Variants in ALPK2 observed in about 807,000 individuals in gnomAD.
ALPK2 encodes the protein alpha kinase 2, also known as alpha-protein kinase 2.
ALPK2 carries 127 observed loss-of-function variants against 163.1 expected under a neutral mutation model. The ratio of observed to expected loss-of-function variants is 0.78; its 90% CI spans 0.67 to 0.90. ALPK2 has a LOEUF of 0.90. Among genes scored for constraint, ALPK2 ranks in the 40% least tolerant of loss-of-function variants. The pLI is 0.00. For missense variants in ALPK2, 2,360 were observed against 2,589.6 expected (o/e 0.91, Z 1.92); for synonymous variants, 953 against 959.1 (o/e 0.99, Z 0.12).
intron 4 of ALPK2, among the ~76,000 whole-genome samples, chr18:58,568,069 A>G (rs565737162): frequency 6.6e-6 from 1 of 152,152 alleles, no homozygotes; most frequent in African/African-American, 2.4e-5. Flanking sequence ...AGTCCAAGTG[A>G]GTTTCCCGGG....
chr18:58,603,729 C>T (rs2052083789), intron 3 of ALPK2, among the ~76,000 whole-genome samples: 1 of 104,978 alleles, frequency 9.5e-6, no homozygotes, highest in Non-Finnish European at 1.8e-5. Context: ...TTTGTATACA[C>T]ATCGTTGCAA....
intron 10 of ALPK2, among the ~76,000 whole-genome samples, chr18:58,513,163 GGTGT>G (rs1054952222): frequency 2.0e-5 from 3 of 150,034 alleles, no homozygotes; most frequent in African/African-American, 7.4e-5. Context: ...GTGGTGTGGG[GGTGT>G]GTGTGGGGTG....
chr18:58,527,662 T>C (rs1474310487), intron 6 of ALPK2, among the ~76,000 whole-genome samples: 3 of 152,222 alleles, frequency 2.0e-5, no homozygotes, highest in African/African-American at 7.2e-5. Flanking sequence ...AAATGAATAA[T>C]TAGTACCTTT....
At chr18:58,622,689 T>C (rs1307858815) in intron 1 of ALPK2, among the ~76,000 whole-genome samples, 1 of 152,224 alleles carries the variant, frequency 6.6e-6, no homozygotes, top group East Asian at 1.9e-4. Context: ...ATGGGCCGAC[T>C]GCTCTGTCCA....
At chr18:58,487,918 A>G (rs1427865657) in intron 12 of ALPK2, among the ~76,000 whole-genome samples, 1 of 152,164 alleles carries the variant, frequency 6.6e-6, no homozygotes, top group African/African-American at 2.4e-5. Flanking sequence ...TTTCTCAACT[A>G]TATTCCCCCT....
intron 6 of ALPK2, among the ~76,000 whole-genome samples, chr18:58,527,528 A>C (rs1364613510): frequency 1.3e-5 from 2 of 152,234 alleles, no homozygotes; most frequent in East Asian, 1.9e-4. Context: ...AATACACATC[A>C]AATGGAAAAG....
intron 1 of ALPK2, among the ~76,000 whole-genome samples, chr18:58,612,722 G>A (rs76279982): frequency 0.027 from 4,091 of 152,332 alleles, 71 homozygotes; most frequent in East Asian, 0.074. Context: ...TCTGAATCCA[G>A]AGAACCCTTT....
Position 58,517,056 on chromosome 18 carries a change from C to G in ALPK2, c.5792G>C (p.Arg1931Pro), listed in dbSNP as rs1221185165. ...EELHFGEGVH[R>P]KAFRSTVMHG... ...CATCACTGTGCTGCGGAAGGCTTTG[C>G]GGTGAACCCCTTCTCCAAAGTGCAG... The change falls in exon 9 of 13, where the codon CGC becomes CCC. Residue 1931 changes from arginine to proline, a missense_variant. Coordinates refer to ENST00000361673, the MANE Select transcript of ALPK2 (RefSeq NM_052947.4). The G allele has an allele frequency of 6.2e-7, 1 of 1,614,242 alleles. No individual in the cohort carries two copies. The highest frequency in any genetic ancestry group is 1.7e-5 in the Admixed American group (1 of 60,032).
intron 1 of ALPK2, among the ~76,000 whole-genome samples, chr18:58,617,479 G>T (rs1291213947): frequency 6.6e-6 from 1 of 152,120 alleles, no homozygotes; most frequent in South Asian, 2.1e-4. Flanking sequence ...GAACTACTGT[G>T]CCCAGCCAAC....
chr18:58,605,305 G>A (rs952282824), intron 3 of ALPK2, among the ~76,000 whole-genome samples: 1 of 152,154 alleles, frequency 6.6e-6, no homozygotes, highest in Non-Finnish European at 1.5e-5. Flanking sequence ...TTTTGCATCT[G>A]GCCTGCAAAG....
At chr18:58,569,907 G>T (rs1263320901) in intron 4 of ALPK2, among the ~76,000 whole-genome samples, 1 of 151,770 alleles carries the variant, frequency 6.6e-6, no homozygotes, top group African/African-American at 2.4e-5. Context: ...GAGGTGGGCG[G>T]ATCACAATGT....
intron 3 of ALPK2, among the ~76,000 whole-genome samples, chr18:58,581,663 T>TA (rs2144201148): frequency 6.6e-6 from 1 of 152,352 alleles, no homozygotes; most frequent in East Asian, 1.9e-4. Context: ...AAAAACTTGT[T>TA]ACCTGTGTTT....
intron 6 of ALPK2, among the ~76,000 whole-genome samples, chr18:58,528,536 CAAAAAT>C (rs147155699): frequency 0.1 from 15,394 of 152,024 alleles, 883 homozygotes; most frequent in Middle Eastern, 0.15. Flanking sequence ...CACCTTGTCT[CAAAAAT>C]AAAAATAAAA....
chr18:58,584,548 T>A (rs931193587), intron 3 of ALPK2, among the ~76,000 whole-genome samples: 10 of 152,218 alleles, frequency 6.6e-5, no homozygotes, highest in African/African-American at 2.4e-4. Flanking sequence ...AGTGTAGAGA[T>A]CATTCTGCAA....
At position 58,482,000 on chromosome 18, in the gene ALPK2, A is replaced by G. The variant is rs200409620; in HGVS notation, c.6336T>C (p.Ile2112=). 2.0e-5 allele frequency: 32 copies of G among 1,614,144 alleles called. No individual in the cohort carries two copies. In the Middle Eastern group the frequency reaches 9.9e-4, roughly 50 times the overall value. ...ACTGGTGTAGTGCTTTAAACTGATC[A>G]ATGAAGGTCATGGAACAGTTGCCTT... The part of the protein sequence containing the change: ...GFKGNCSMTF[I]DQFKALHQCN... The change falls in exon 13 of 13, where the codon ATT becomes ATC. Residue 2112 remains isoleucine, a synonymous_variant. Transcript: ENST00000361673.
intron 10 of ALPK2, among the ~76,000 whole-genome samples, chr18:58,506,067 G>A (rs13381392): frequency 0.23 from 34,725 of 151,948 alleles, 4,497 homozygotes; most frequent in South Asian, 0.42. Flanking sequence ...GATGCCGATG[G>A]CTTCCACATT....
intron 12 of ALPK2, among the ~76,000 whole-genome samples, chr18:58,495,088 G>A (rs1033308019): frequency 1.3e-5 from 2 of 152,038 alleles, no homozygotes; most frequent in South Asian, 2.1e-4. Flanking sequence ...TGAGGAGGTC[G>A]GGCTTGATCA....
At chr18:58,578,631 C>A in intron 4 of ALPK2, 183 bp downstream of exon 4, 6 of 565,176 alleles carry the variant, frequency 1.1e-5, no homozygotes, top group Non-Finnish European at 1.5e-5. Context: ...GATTTCCTTC[C>A]GAGCAGCAGC....
intron 12 of ALPK2, among the ~76,000 whole-genome samples, chr18:58,485,081 A>G (rs1041405529): frequency 2.6e-5 from 4 of 152,244 alleles, no homozygotes; most frequent in Admixed American, 2.6e-4. Context: ...GACAACAAGC[A>G]CAGAGCATTA....
Sources: allele counts gnomAD v4.1 joint callset (sites outside exome capture counted in the v4.1 genomes callset), GRCh38; gene constraint gnomAD v4.1.1; transcripts MANE v1.5; gene names NCBI Gene and HGNC (gene_info 2026-07-23, HGNC 2026-07-21).